The following PTPRD variants were observed in gnomAD, a reference collection of about 807,000 sequenced individuals.
The protein encoded by PTPRD is protein tyrosine phosphatase receptor type D.
Under a neutral mutation model 214.5 loss-of-function variants are expected in PTPRD, and 34 were observed. The observed-to-expected ratio is 0.16, with a 90% CI of 0.12 to 0.21. PTPRD has a LOEUF of 0.21. Ranked by LOEUF, PTPRD falls within the 10% of genes least tolerant of loss-of-function variation. PTPRD has a pLI of 1.00. For missense variants in PTPRD, 2,545 were observed against 2,398.7 expected (o/e 1.06, Z -1.27); for synonymous variants, 1,128 against 845.7 (o/e 1.33, Z -5.79).
intron 10 of PTPRD, among the ~76,000 whole-genome samples, chr9:9,032,205 T>A (rs1412676598): frequency 6.6e-6 from 1 of 151,910 alleles, no homozygotes; most frequent in Admixed American, 6.6e-5. Flanking sequence ...CTAAAAATGA[T>A]GACTGCATCC....
At chr9:10,460,331 T>G (rs893765760) in intron 2 of PTPRD, among the ~76,000 whole-genome samples, 2 of 151,344 alleles carry the variant, frequency 1.3e-5, no homozygotes, top group African/African-American at 4.9e-5. Context: ...TTCAATGCAG[T>G]CCCTATCAAA....
chr9:8,341,585 A>G, intron 40 of PTPRD, 108 bp downstream of exon 40: 7 of 1,293,472 alleles, frequency 5.4e-6, no homozygotes, highest in Non-Finnish European at 7.5e-6. Context: ...GGAAAGGTCA[A>G]ATGAATCTTG....
At chr9:9,853,762 T>C (rs1385582562) in intron 5 of PTPRD, among the ~76,000 whole-genome samples, 1 of 152,088 alleles carries the variant, frequency 6.6e-6, no homozygotes, top group Non-Finnish European at 1.5e-5. Context: ...TTGGCCAGGA[T>C]GGTCTCAATG....
chr9:8,558,686 T>A (rs1422455381), intron 14 of PTPRD, among the ~76,000 whole-genome samples: 1 of 152,228 alleles, frequency 6.6e-6, no homozygotes, highest in Non-Finnish European at 1.5e-5. Flanking sequence ...AAAAAATGTC[T>A]ATTATTTTAG....
chr9:9,315,594 T>C (rs1482284269), intron 9 of PTPRD, among the ~76,000 whole-genome samples: 1 of 151,958 alleles, frequency 6.6e-6, no homozygotes, highest in Non-Finnish European at 1.5e-5. Flanking sequence ...ACTGAATTTT[T>C]GATTCCCTAA....
At chr9:9,698,862 AG>A (rs2097433650) in intron 7 of PTPRD, among the ~76,000 whole-genome samples, 1 of 152,206 alleles carries the variant, frequency 6.6e-6, no homozygotes, top group Non-Finnish European at 1.5e-5. Context: ...CTAACAACAT[AG>A]CCTAACTCCT....
chr9:9,616,931 A>G (rs1158149317), intron 7 of PTPRD, among the ~76,000 whole-genome samples: 1 of 152,084 alleles, frequency 6.6e-6, no homozygotes, highest in African/African-American at 2.4e-5. Flanking sequence ...TTTACTTCCA[A>G]TTATGGTCAA....
chr9:9,723,861 G>T (rs756118714), intron 7 of PTPRD, among the ~76,000 whole-genome samples: 1 of 152,004 alleles, frequency 6.6e-6, no homozygotes, highest in Non-Finnish European at 1.5e-5. Context: ...TATTAATCTT[G>T]TATCCTGAAA....
intron 2 of PTPRD, among the ~76,000 whole-genome samples, chr9:10,561,023 T>A (rs138281791): frequency 2.0e-5 from 3 of 152,326 alleles, no homozygotes; most frequent in Admixed American, 6.5e-5. Context: ...TATTTCGTAG[T>A]GAGCCTAAAG....
chr9:8,759,967 T>C (rs1405584219), intron 11 of PTPRD, among the ~76,000 whole-genome samples: 1 of 152,234 alleles, frequency 6.6e-6, no homozygotes, highest in Non-Finnish European at 1.5e-5. Context: ...TGACAAAGTT[T>C]GTCTGTGTCC....
chr9:10,129,336 T>C lies in PTPRD; in HGVS notation c.-544-95546A>G, dbSNP rs147104422. Among the ~76,000 whole-genome samples the C allele has an allele frequency of 3.1e-3, 477 of 152,232 alleles. 3 individuals carry two copies. The highest frequency in any genetic ancestry group is 0.011 in the African/African-American group (461 of 41,542). ...TCTTTTCTTTAATCATCAAAATTTGTTTAGTGTCCTTTTTAAGATCCCTAG... is the reference window on the plus strand; with the variant it reads ...TCTTTTCTTTAATCATCAAAATTTGCTTAGTGTCCTTTTTAAGATCCCTAG... On this transcript the variant is annotated intron_variant, in intron 3 of 45. Coordinates refer to ENST00000381196, the MANE Select transcript of PTPRD (RefSeq NM_002839.4).
chr9:9,081,184 G>A (rs1182975188), intron 10 of PTPRD, among the ~76,000 whole-genome samples: 1 of 151,962 alleles, frequency 6.6e-6, no homozygotes, highest in African/African-American at 2.4e-5. Flanking sequence ...CAGAGATTCT[G>A]GTACATTGTA....
At chr9:10,387,564 T>A (rs2097943475) in intron 2 of PTPRD, among the ~76,000 whole-genome samples, 1 of 151,772 alleles carries the variant, frequency 6.6e-6, no homozygotes, top group South Asian at 2.1e-4. Context: ...ACATTGTGGA[T>A]CCACTTCACC....
intron 12 of PTPRD, among the ~76,000 whole-genome samples, chr9:8,646,962 G>A (rs760220094): frequency 1.4e-4 from 21 of 152,118 alleles, no homozygotes; most frequent in South Asian, 2.1e-4. Context: ...TCTATTACAC[G>A]TATATTTGTT....
intron 2 of PTPRD, among the ~76,000 whole-genome samples, chr9:10,371,782 G>A (rs2097626938): frequency 6.6e-6 from 1 of 152,072 alleles, no homozygotes; most frequent in South Asian, 2.1e-4. Flanking sequence ...TATAAATTTA[G>A]TATAGAAACC....
intron 9 of PTPRD, among the ~76,000 whole-genome samples, chr9:9,226,741 G>A (rs2099959735): frequency 6.6e-6 from 1 of 151,988 alleles, no homozygotes; most frequent in Admixed American, 6.6e-5. Context: ...TAAACTATAA[G>A]CTGCATGAAG....
At chr9:9,854,821 T>C (rs950112958) in intron 5 of PTPRD, among the ~76,000 whole-genome samples, 3 of 152,168 alleles carry the variant, frequency 2.0e-5, no homozygotes, top group Non-Finnish European at 2.9e-5. Context: ...TGGGTGTAAT[T>C]GTACCTTTTG....
chr9:9,048,771 A>C (rs1011527180), intron 10 of PTPRD, among the ~76,000 whole-genome samples: 2 of 152,128 alleles, frequency 1.3e-5, no homozygotes, highest in Non-Finnish European at 2.9e-5. Flanking sequence ...GGGTGACTAT[A>C]ATCAATAATA....
intron 2 of PTPRD, among the ~76,000 whole-genome samples, chr9:10,375,733 G>A (rs1438332162): frequency 6.6e-6 from 1 of 151,964 alleles, no homozygotes. Flanking sequence ...GTTATGATAT[G>A]TGGTGATAGA....
Sources: allele counts gnomAD v4.1 joint callset (sites outside exome capture counted in the v4.1 genomes callset), GRCh38; gene constraint gnomAD v4.1.1; transcripts MANE v1.5; gene names NCBI Gene and HGNC (gene_info 2026-07-23, HGNC 2026-07-21).